Variants in MEG3 observed in about 807,000 individuals in gnomAD.
The protein encoded by MEG3 is maternally expressed 3.
intron 2 of MEG3, among the ~76,000 whole-genome samples, chr14:100,842,686 A>G (rs1212065459): frequency 1.3e-5 from 2 of 152,196 alleles, no homozygotes; most frequent in Non-Finnish European, 2.9e-5. Context: ...TGTGTTTGAA[A>G]CAGCCATAAG....
chr14:100,844,484 G>C (rs2037854492), intron 2 of MEG3, among the ~76,000 whole-genome samples: 1 of 152,050 alleles, frequency 6.6e-6, no homozygotes, highest in Non-Finnish European at 1.5e-5. Context: ...CTTTTTTTCT[G>C]TGTAGTTTTC....
chr14:100,833,859 T>G (rs1365790962), downstream of MEG3: 1 of 152,164 alleles, frequency 6.6e-6, no homozygotes, highest in East Asian at 1.9e-4. Flanking sequence ...GAAAATGTTA[T>G]TAGTTGAAAC....
exon 2 of MEG3, chr14:100,860,810 A>G (rs1428425842): frequency 9.4e-6 from 4 of 424,348 alleles, no homozygotes; most frequent in Non-Finnish European, 1.9e-5. Flanking sequence ...GACGCCGCTG[A>G]CCTGGGGTCA....
downstream of MEG3, chr14:100,829,627 A>C (rs1358899787): frequency 6.6e-6 from 1 of 152,210 alleles, no homozygotes; most frequent in Admixed American, 6.5e-5. Flanking sequence ...GTGATCAGCA[A>C]ATGTTTGTTG....
chr14:100,848,778 A>G (rs1295258202), intron 3 of MEG3: 3 of 152,218 alleles, frequency 2.0e-5, no homozygotes, highest in Non-Finnish European at 2.9e-5. Context: ...TGCATTCCAT[A>G]GGATGCAAGA....
intron 2 of MEG3, among the ~76,000 whole-genome samples, chr14:100,841,889 CT>C (rs1291815674): frequency 1.3e-5 from 2 of 152,184 alleles, no homozygotes; most frequent in African/African-American, 2.4e-5. Context: ...CACCTTGTGC[CT>C]TTTGGGTCCT....
intron 1 of MEG3, among the ~76,000 whole-genome samples, chr14:100,828,219 G>T (rs373639554): frequency 2.0e-5 from 3 of 152,028 alleles, no homozygotes; most frequent in African/African-American, 7.2e-5. Flanking sequence ...CTGGGTTACG[G>T]GTGCGGGCCG....
chr14:100,828,554 T>C, intron 1 of MEG3, among the ~76,000 whole-genome samples: 1 of 108,056 alleles, frequency 9.3e-6, no homozygotes, highest in African/African-American at 3.5e-5. Flanking sequence ...CCCTCTTCCC[T>C]CCCAGCCCCT....
chr14:100,831,617 G>C (rs929108531), downstream of MEG3: 1 of 152,174 alleles, frequency 6.6e-6, no homozygotes, highest in Non-Finnish European at 1.5e-5. Context: ...TCTCTCACAG[G>C]GCTCTGCGTC....
At chr14:100,852,079 G>C (rs1460587142) in intron 3 of MEG3, 1 of 310,628 alleles carries the variant, frequency 3.2e-6, no homozygotes, top group Non-Finnish European at 6.4e-6. Context: ...GGGAGCACGT[G>C]GGAGGCAGGG....
At chr14:100,834,326 C>T (rs1360976252) in exon 1 of MEG3, 1 of 225,116 alleles carries the variant, frequency 4.4e-6, no homozygotes, top group African/African-American at 2.3e-5. Context: ...GCTGCAGTAG[C>T]TCCTGTGGAC....
At chr14:100,834,587 C>A in exon 1 of MEG3, 1 of 420,790 alleles carries the variant, frequency 2.4e-6, no homozygotes, top group Non-Finnish European at 4.8e-6. Context: ...CCTTCTTCCT[C>A]GTCTTCCTCT....
chr14:100,834,805 C>A (rs988887390), exon 1 of MEG3: 1 of 456,590 alleles, frequency 2.2e-6, no homozygotes, highest in African/African-American at 2.0e-5. Context: ...CTGGGCCATG[C>A]GAAGAGTTCT....
chr14:100,839,634 C>T (rs1369004456), intron 2 of MEG3, among the ~76,000 whole-genome samples: 2 of 152,084 alleles, frequency 1.3e-5, no homozygotes, highest in African/African-American at 2.4e-5. Flanking sequence ...GCCTCCTTGG[C>T]ATGGATTGGG....
downstream of MEG3, chr14:100,831,676 C>T (rs2037399899): frequency 6.6e-6 from 1 of 152,222 alleles, no homozygotes; most frequent in African/African-American, 2.4e-5. Context: ...GACACTTGCT[C>T]CCCCTTCTCT....
downstream of MEG3, chr14:100,832,479 C>T (rs2037424424): frequency 6.6e-6 from 1 of 152,564 alleles, no homozygotes; most frequent in Admixed American, 6.5e-5. Context: ...CAGTTTTATT[C>T]CACTTTCCGC....
chr14:100,858,757 C>T (rs1311233683), exon 1 of MEG3: 1 of 152,910 alleles, frequency 6.5e-6, no homozygotes, highest in Non-Finnish European at 1.5e-5. Flanking sequence ...TTCATTGTGG[C>T]CTTTGGTGTC....
chr14:100,838,232 G>GGC lies in MEG3; in HGVS notation n.3045+1933_3045+1934dup, dbSNP rs200380905. On this transcript the variant is annotated intron_variant and non_coding_transcript_variant, in intron 2 of 3. Coordinates refer to the MEG3 transcript ENST00000398461. ...GGACAAAGTCAAAGTGAAGGCCAGGGGCACACAGGAGAGGCCCAGATAGGA... is the reference window on the plus strand; with the variant it reads ...GGACAAAGTCAAAGTGAAGGCCAGGGGCGCACACAGGAGAGGCCCAGATAGGA... Among the ~76,000 whole-genome samples, 114 of 152,252 alleles carry GGC rather than the reference G, an allele frequency of 7.5e-4. 2 individuals carry two copies. In the East Asian group the frequency reaches 0.021, roughly 28 times the overall value.
chr14:100,827,276 T>G (rs2037264411), intron 1 of MEG3: 1 of 150,440 alleles, frequency 6.6e-6, no homozygotes, highest in Admixed American at 6.6e-5. Flanking sequence ...GTGGCAGGTT[T>G]CTGGAAGGTT....
Sources: allele counts gnomAD v4.1 joint callset (sites outside exome capture counted in the v4.1 genomes callset), GRCh38; gene constraint gnomAD v4.1.1; transcripts MANE v1.5; gene names NCBI Gene and HGNC (gene_info 2026-07-23, HGNC 2026-07-21).